The following SERINC5 variants were observed in gnomAD, a reference collection of about 807,000 sequenced individuals.
SERINC5 encodes the protein chromosome 5 open reading frame 12.
Under a neutral mutation model 63.1 loss-of-function variants are expected in SERINC5, and 41 were observed. The observed-to-expected ratio is 0.65, with a 90% CI of 0.51 to 0.84. The LOEUF is 0.84. SERINC5 is among the 40% of genes least tolerant of loss of function. The pLI is 0.00. For missense variants in SERINC5, 523 were observed against 573.0 expected (o/e 0.91, Z 0.89); for synonymous variants, 222 against 215.2 (o/e 1.03, Z -0.28).
rs1008037596 is a variant in SERINC5 at position 80,196,333 on chromosome 5, C to A, written c.195+6553G>T. On this transcript the variant is annotated intron_variant, in intron 2 of 11. Coordinates refer to ENST00000507668, the MANE Select transcript of SERINC5 (RefSeq NM_001174072.3). ...GATGACCACCTCACACACACTATAG[C>A]GACTAAAATAAAAAAAAGATGTACC... 2.0e-5 allele frequency among the ~76,000 whole-genome samples: 3 copies of A among 151,864 alleles called. No individual in the cohort carries two copies. The South Asian group carries it at 6.2e-4, about 32-fold the overall frequency.
chr5:80,182,235 T>C (rs191983746), intron 2 of SERINC5, among the ~76,000 whole-genome samples: 19 of 152,290 alleles, frequency 1.2e-4, no homozygotes, highest in African/African-American at 4.6e-4. Flanking sequence ...TTCGTGGACC[T>C]GGTTACCTCT....
At chr5:80,251,593 A>G (rs1474878799) in intron 1 of SERINC5, among the ~76,000 whole-genome samples, 1 of 151,970 alleles carries the variant, frequency 6.6e-6, no homozygotes, top group African/African-American at 2.4e-5. Flanking sequence ...AGCCAGATGT[A>G]GTGGCAAGTG....
At chr5:80,253,440 C>G (rs766009628) in intron 1 of SERINC5, among the ~76,000 whole-genome samples, 1 of 152,212 alleles carries the variant, frequency 6.6e-6, no homozygotes, top group African/African-American at 2.4e-5. Flanking sequence ...TAGCCCGTTA[C>G]AGTCCAGTCT....
chr5:80,203,253 T>TACACACACACACACACACACAC (rs768785966), intron 1 of SERINC5, 200 bp from the exon 2 acceptor site: 3 of 342,404 alleles, frequency 8.8e-6, no homozygotes, highest in African/African-American at 6.7e-5. Context: ...TAAATATATA[T>TACACACACACACACACACACAC]ACACATATAT....
rs1561389118 is a variant in SERINC5, at chr5:80,169,335, G to A, written c.763C>T (p.Arg255Ter). 6.2e-7 allele frequency: 1 copy of A among 1,612,458 alleles called. No homozygotes were observed. The highest frequency in any genetic ancestry group is 8.5e-7 in the Non-Finnish European group (1 of 1,178,728). ...LVAISPWVQN[R>*]QPHSGLLQSG... The stretch of plus-strand genomic sequence containing the variant: ...GAAGAATGGAAAAAAACATGCTTAC[G>A]ATTTTGGACCCAGGGTGAGATGGCT... Residue 255 changes from arginine to a stop codon, truncating the protein, a stop_gained and splice_region_variant, in exon 6 of 12, where the codon CGA becomes TGA. Transcript: ENST00000507668. LOFTEE classifies it high-confidence loss of function.
chr5:80,127,418 T>C (rs1744786758), intron 11 of SERINC5, among the ~76,000 whole-genome samples: 1 of 152,176 alleles, frequency 6.6e-6, no homozygotes, highest in Non-Finnish European at 1.5e-5. Flanking sequence ...GATGGAAAAC[T>C]TAGAGCAAAG....
intron 1 of SERINC5, among the ~76,000 whole-genome samples, chr5:80,254,112 TGAG>T (rs1752541216): frequency 1.3e-5 from 2 of 152,172 alleles, no homozygotes; most frequent in African/African-American, 4.8e-5. Context: ...TTAGTAGAGA[TGAG>T]GTTTCTCCAC....
In SERINC5 at chr5:80,131,113, C is replaced by G. The variant is rs1431607800; in HGVS notation, c.1238+14977G>C. Among the ~76,000 whole-genome samples, 144 of 152,238 alleles carry G rather than the reference C, an allele frequency of 9.5e-4. 2 individuals carry two copies. The highest frequency in any genetic ancestry group is 1.6e-4 in the Non-Finnish European group (11 of 68,012). On this transcript the variant is annotated intron_variant, in intron 11 of 12. Coordinates refer to the SERINC5 transcript ENST00000509193. ...CTGATATGGTTTGGCTGTGTCCCTA[C>G]CCAAATCTCATCTTGAACTGTAGCT...
chr5:80,187,330 C>T (rs1748872486), intron 2 of SERINC5, among the ~76,000 whole-genome samples: 1 of 152,118 alleles, frequency 6.6e-6, no homozygotes, highest in Admixed American at 6.5e-5. Flanking sequence ...TTTAATATCC[C>T]TCACTTGAAA....
At chr5:80,113,092 T>C (rs902088294) in intron 12 of SERINC5, among the ~76,000 whole-genome samples, 4 of 152,248 alleles carry the variant, frequency 2.6e-5, no homozygotes, top group Non-Finnish European at 5.9e-5. Context: ...TAAATAATTT[T>C]ATTCTGGCCA....
chr5:80,147,614 G>A (rs1351580371), intron 9 of SERINC5, among the ~76,000 whole-genome samples: 1 of 152,166 alleles, frequency 6.6e-6, no homozygotes, highest in African/African-American at 2.4e-5. Flanking sequence ...TGGCTCCTAG[G>A]GTTAGGGAGG....
At chr5:80,131,122 C>T (rs1028360822) in intron 11 of SERINC5, among the ~76,000 whole-genome samples, 4 of 152,176 alleles carry the variant, frequency 2.6e-5, no homozygotes, top group African/African-American at 9.7e-5. Flanking sequence ...ACCCAAATCT[C>T]ATCTTGAACT....
At chr5:80,174,760 C>T (rs1280998677) in intron 5 of SERINC5, among the ~76,000 whole-genome samples, 194 bp downstream of exon 5, 1 of 151,852 alleles carries the variant, frequency 6.6e-6, no homozygotes, top group African/African-American at 2.4e-5. Flanking sequence ...GACTCAGAGC[C>T]CAAGCAAGGG....
At chr5:80,171,017 T>G in intron 5 of SERINC5, among the ~76,000 whole-genome samples, 1 of 152,034 alleles carries the variant, frequency 6.6e-6, no homozygotes, top group East Asian at 1.9e-4. Context: ...ATTTTTTATT[T>G]TATTTTTTTT....
At chr5:80,255,493 G>A (rs1158577288) in intron 1 of SERINC5, among the ~76,000 whole-genome samples, 1 of 152,122 alleles carries the variant, frequency 6.6e-6, no homozygotes, top group African/African-American at 2.4e-5. Context: ...CAAAGGAGAC[G>A]GTGCCTAAAC....
intron 1 of SERINC5, among the ~76,000 whole-genome samples, chr5:80,225,156 G>C (rs112609267): frequency 6.6e-6 from 1 of 152,076 alleles, no homozygotes; most frequent in Non-Finnish European, 1.5e-5. Context: ...GCCCAGTCTG[G>C]TCTCAAACTC....
chr5:80,183,485 C>A (rs1748588646), intron 2 of SERINC5, among the ~76,000 whole-genome samples: 2 of 152,034 alleles, frequency 1.3e-5, no homozygotes, highest in African/African-American at 2.4e-5. Context: ...CATCTCATCC[C>A]CTGTGACTTG....
At chr5:80,251,694 C>T (rs555687850) in intron 1 of SERINC5, among the ~76,000 whole-genome samples, 73 of 149,886 alleles carry the variant, frequency 4.9e-4, no homozygotes, top group African/African-American at 1.4e-3. Flanking sequence ...TGCGCCACTG[C>T]ACTCCAGCCT....
intron 1 of SERINC5, 99 bp from the exon 2 acceptor site, chr5:80,203,152 T>G: frequency 8.2e-7 from 1 of 1,218,712 alleles, no homozygotes; most frequent in Non-Finnish European, 1.2e-6. Context: ...TCCCTGCTAC[T>G]CGGGGGGCTG....
Sources: allele counts gnomAD v4.1 joint callset (sites outside exome capture counted in the v4.1 genomes callset), GRCh38; gene constraint gnomAD v4.1.1; transcripts MANE v1.5; gene names NCBI Gene and HGNC (gene_info 2026-07-23, HGNC 2026-07-21).